KLF12: variants seen among roughly 807,000 people sequenced by gnomAD.
KLF12 encodes the protein KLF transcription factor 12, also known as Krueppel-like factor 12.
KLF12 carries 9 observed loss-of-function variants against 37.8 expected under a neutral mutation model. The ratio of observed to expected loss-of-function variants is 0.24; its 90% CI spans 0.14 to 0.42. KLF12 has a LOEUF of 0.42. Ranked by LOEUF, KLF12 falls within the 10% of genes least tolerant of loss-of-function variation. KLF12 has a pLI of 1.00. For synonymous variants in KLF12, 208 were observed against 202.1 expected (o/e 1.03, Z -0.25); for missense variants, 411 against 516.0 (o/e 0.80, Z 1.97).
the KLF12 span, among the ~76,000 whole-genome samples, chr13:74,176,749 A>G: frequency 2.0e-5 from 3 of 152,094 alleles, no homozygotes; most frequent in African/African-American, 7.2e-5. Context: ...CTGCTAACTC[A>G]TATTCTTATT....
At chr13:74,038,879 T>C (rs1893325253) in intron 1 of KLF12, among the ~76,000 whole-genome samples, 1 of 152,152 alleles carries the variant, frequency 6.6e-6, no homozygotes, top group Admixed American at 6.5e-5. Flanking sequence ...GTTTAAAACA[T>C]GTAAAACTTA....
At chr13:74,232,125 G>T in the KLF12 span, among the ~76,000 whole-genome samples, 1 of 152,080 alleles carries the variant, frequency 6.6e-6, no homozygotes, top group African/African-American at 2.4e-5. Flanking sequence ...TCCAAGTCTT[G>T]CTGGCAGAGG....
At chr13:73,805,059 A>C (rs1882484816) in intron 5 of KLF12, among the ~76,000 whole-genome samples, 1 of 152,192 alleles carries the variant, frequency 6.6e-6, no homozygotes, top group Non-Finnish European at 1.5e-5. Context: ...AACATTCTCA[A>C]GTTTTTCCAT....
intron 3 of KLF12, among the ~76,000 whole-genome samples, chr13:73,853,878 T>C (rs1885467473): frequency 6.6e-6 from 1 of 152,148 alleles, no homozygotes; most frequent in African/African-American, 2.4e-5. Flanking sequence ...ACCATATAAC[T>C]AGGGAATATA....
chr13:73,830,487 T>G (rs1347572537), intron 4 of KLF12, among the ~76,000 whole-genome samples: 1 of 152,226 alleles, frequency 6.6e-6, no homozygotes, highest in African/African-American at 2.4e-5. Context: ...ATTTTCCAAT[T>G]TTGAAGAAGG....
chr13:73,818,118 T>C (rs947141232), intron 4 of KLF12, among the ~76,000 whole-genome samples: 24 of 151,818 alleles, frequency 1.6e-4, no homozygotes, highest in African/African-American at 5.8e-4. Flanking sequence ...TAAGGGGCCA[T>C]TTAGTTATGA....
chr13:73,726,100 G>A (rs981671356), intron 6 of KLF12, among the ~76,000 whole-genome samples: 1 of 151,916 alleles, frequency 6.6e-6, no homozygotes, highest in South Asian at 2.1e-4. Context: ...TGATCCGCCC[G>A]CCTCGGCCTC....
intron 5 of KLF12, among the ~76,000 whole-genome samples, chr13:73,803,381 T>C (rs1168671187): frequency 6.6e-6 from 1 of 152,200 alleles, no homozygotes; most frequent in Non-Finnish European, 1.5e-5. Context: ...TAGCTGTCCA[T>C]GTGGTTTGAC....
chr13:74,042,911 A>G (rs1425976340), intron 1 of KLF12, among the ~76,000 whole-genome samples: 2 of 152,212 alleles, frequency 1.3e-5, no homozygotes, highest in African/African-American at 4.8e-5. Context: ...ATCCCAGGAG[A>G]CACAGCAAAG....
the KLF12 span, among the ~76,000 whole-genome samples, chr13:74,215,084 C>T: frequency 1.5e-3 from 223 of 152,248 alleles, 3 homozygotes; most frequent in Non-Finnish European, 4.3e-4. Flanking sequence ...TGAGCCATTG[C>T]TCCTGGCCTT....
At chr13:74,239,698 G>A in the KLF12 span, among the ~76,000 whole-genome samples, 4 of 145,514 alleles carry the variant, frequency 2.7e-5, no homozygotes, top group Admixed American at 1.4e-4. Context: ...TTATGTAATG[G>A]CCTTCTTTGT....
At chr13:73,869,288 C>T (rs1886347735) in intron 3 of KLF12, among the ~76,000 whole-genome samples, 1 of 152,042 alleles carries the variant, frequency 6.6e-6, no homozygotes, top group Admixed American at 6.5e-5. Context: ...TCAAAAACAA[C>T]TATAAGAAAA....
the KLF12 span, among the ~76,000 whole-genome samples, chr13:74,289,431 T>C: frequency 1.2e-4 from 18 of 152,192 alleles, no homozygotes; most frequent in Non-Finnish European, 1.5e-4. Flanking sequence ...AATCTTGAGT[T>C]TGGAGCAGAG....
intron 4 of KLF12, among the ~76,000 whole-genome samples, chr13:73,840,424 C>T (rs1884677322): frequency 6.6e-6 from 1 of 152,044 alleles, no homozygotes; most frequent in South Asian, 2.1e-4. Flanking sequence ...CCAGGCTCGC[C>T]CACCCAACTC....
chr13:73,985,262 T>C (rs1891797736), intron 2 of KLF12, among the ~76,000 whole-genome samples: 1 of 152,202 alleles, frequency 6.6e-6, no homozygotes, highest in Admixed American at 6.5e-5. Flanking sequence ...GCAAAACACA[T>C]ACTGCTTTTG....
chr13:73,947,183 C>T (rs1280358825), intron 2 of KLF12, among the ~76,000 whole-genome samples: 2 of 152,282 alleles, frequency 1.3e-5, no homozygotes, highest in South Asian at 4.1e-4. Flanking sequence ...TTATAACAAA[C>T]ATTTTGATGT....
At chr13:73,809,338 G>A (rs1882808751) in intron 5 of KLF12, among the ~76,000 whole-genome samples, 1 of 148,258 alleles carries the variant, frequency 6.7e-6, no homozygotes, top group Admixed American at 6.8e-5. Flanking sequence ...CAGCCTTTAA[G>A]TTTACAGAAG....
chr13:74,282,096 C>A, the KLF12 span, among the ~76,000 whole-genome samples: 1 of 152,110 alleles, frequency 6.6e-6, no homozygotes, highest in Non-Finnish European at 1.5e-5. Context: ...GTGGGACTTG[C>A]AATTTGACCA....
chr13:74,260,249 G>C, the KLF12 span, among the ~76,000 whole-genome samples: 54 of 152,126 alleles, frequency 3.5e-4, no homozygotes, highest in African/African-American at 1.2e-3. Flanking sequence ...GTGACACATA[G>C]CAACAATTCA....
Sources: allele counts gnomAD v4.1 joint callset (sites outside exome capture counted in the v4.1 genomes callset), GRCh38; gene constraint gnomAD v4.1.1; transcripts MANE v1.5; gene names NCBI Gene and HGNC (gene_info 2026-07-23, HGNC 2026-07-21).